Variants in ACOXL observed in about 807,000 individuals in gnomAD.
The protein encoded by ACOXL is acyl-CoA oxidase like, also known as acyl-coenzyme A oxidase-like protein.
ACOXL carries 70 observed loss-of-function variants against 71.9 expected under a neutral mutation model. That is an observed-to-expected ratio of 0.97 (90% confidence interval 0.80 to 1.19). The LOEUF (loss-of-function observed/expected upper bound fraction) is 1.19, where lower values mean the gene tolerates loss of function less well. ACOXL is among the 50% of genes most tolerant of loss of function. The probability of loss-of-function intolerance (pLI) is 0.00; values close to 1 mark genes in which losing one functional copy is unlikely to be tolerated. For synonymous variants in ACOXL, 253 were observed against 281.6 expected, an observed-to-expected ratio of 0.90 and a Z score of 1.02; for missense variants, 703 against 736.3, an observed-to-expected ratio of 0.95 and a Z score of 0.52.
chr2:111,011,649 A>G (rs11685628), intron 14 of ACOXL, among the ~76,000 whole-genome samples: 136,450 of 151,972 alleles, frequency 0.9, 61,515 homozygotes, highest in African/African-American at 0.97. Flanking sequence ...TTGGGAGGCT[A>G]AGGTGGGCAG....
intron 9 of ACOXL, among the ~76,000 whole-genome samples, chr2:110,808,738 A>T (rs979992055): frequency 5.3e-5 from 8 of 152,178 alleles, no homozygotes; most frequent in Non-Finnish European, 1.0e-4. Context: ...TTCTTCAGAA[A>T]GGCCTCAGCC....
chr2:110,769,955 C>T (rs770947314), intron 2 of ACOXL, among the ~76,000 whole-genome samples: 8 of 151,758 alleles, frequency 5.3e-5, no homozygotes, highest in Non-Finnish European at 1.0e-4. Context: ...GTGGGAGGAT[C>T]GTTTGAGGCT....
At chr2:111,025,641 T>G (rs1377995645) in intron 14 of ACOXL, among the ~76,000 whole-genome samples, 4 of 152,234 alleles carry the variant, frequency 2.6e-5, no homozygotes, top group Admixed American at 1.3e-4. Flanking sequence ...TCTGTCCATC[T>G]GTTAAACTGG....
intron 3 of ACOXL, among the ~76,000 whole-genome samples, chr2:110,785,569 C>G (rs1186950710): frequency 6.6e-6 from 1 of 152,076 alleles, no homozygotes; most frequent in Non-Finnish European, 1.5e-5. Flanking sequence ...TTCTCCATCT[C>G]TATAGTTTTG....
At chr2:110,975,285 A>C (rs902304903) in intron 12 of ACOXL, among the ~76,000 whole-genome samples, 2 of 152,206 alleles carry the variant, frequency 1.3e-5, no homozygotes, top group African/African-American at 4.8e-5. Flanking sequence ...TTTCAAACAA[A>C]TTTCAAGACA....
At chr2:110,833,053 A>G (rs1573741340) in intron 9 of ACOXL, among the ~76,000 whole-genome samples, 1 of 152,250 alleles carries the variant, frequency 6.6e-6, no homozygotes, top group South Asian at 2.1e-4. Flanking sequence ...TAACTGAGCA[A>G]TTGTACTCCT....
At chr2:110,821,951 ATGTGAGTGTGTG>A (rs1190784692) in intron 9 of ACOXL, among the ~76,000 whole-genome samples, 1 of 151,396 alleles carries the variant, frequency 6.6e-6, no homozygotes, top group South Asian at 2.1e-4. Flanking sequence ...GTGTGTGTGC[ATGTGAGTGTGTG>A]TGTGAGTGTG....
intron 11 of ACOXL, among the ~76,000 whole-genome samples, chr2:110,924,451 GC>G (rs1363263653): frequency 6.6e-6 from 1 of 152,168 alleles, no homozygotes; most frequent in Non-Finnish European, 1.5e-5. Context: ...CCTTGCTGCT[GC>G]CCTATCAACT....
intron 12 of ACOXL, among the ~76,000 whole-genome samples, chr2:110,946,696 C>T (rs937147292): frequency 6.6e-6 from 1 of 152,206 alleles, no homozygotes; most frequent in Non-Finnish European, 1.5e-5. Context: ...GGTAAGTCCT[C>T]ACTTCCCAAG....
chr2:111,105,947 T>G (rs1458280389), intron 17 of ACOXL, among the ~76,000 whole-genome samples: 2 of 152,208 alleles, frequency 1.3e-5, no homozygotes, highest in Non-Finnish European at 2.9e-5. Context: ...CTTTTAAGAT[T>G]AAAAACTATT....
In ACOXL at chr2:110,742,019, T is replaced by A. The variant is rs1573287772; in HGVS notation, c.-23+9245T>A. ...CCTGTCAGACTCTGTGCCCCCTGAC[T>A]GTGTTAAAATAGGGAGACATTTAGC... On this transcript the variant is annotated intron_variant, in intron 1 of 17. Coordinates refer to ENST00000439055, the MANE Select transcript of ACOXL (RefSeq NM_001142807.4). Among the ~76,000 whole-genome samples the A allele has an allele frequency of 2.6e-5, 4 of 152,346 alleles. No homozygotes were observed. The East Asian group carries it at 7.7e-4, about 29-fold the overall frequency.
chr2:110,768,541 T>G, intron 2 of ACOXL, 77 bp downstream of exon 2: 1 of 1,258,112 alleles, frequency 7.9e-7, no homozygotes, highest in Non-Finnish European at 1.1e-6. Context: ...AGAGAGAGTT[T>G]TTTTCTCTCC....
intron 13 of ACOXL, among the ~76,000 whole-genome samples, chr2:110,995,218 G>T (rs1042612814): frequency 6.6e-6 from 1 of 151,692 alleles, no homozygotes; most frequent in Non-Finnish European, 1.5e-5. Flanking sequence ...GTATAATGGG[G>T]GCCAGGCACA....
intron 10 of ACOXL, among the ~76,000 whole-genome samples, chr2:110,847,262 G>T (rs563169882): frequency 2.0e-5 from 3 of 152,278 alleles, no homozygotes; most frequent in East Asian, 1.9e-4. Context: ...GCAGAGTGAA[G>T]AAGGCTGCTC....
At chr2:111,012,690 G>A (rs1419847429) in intron 14 of ACOXL, among the ~76,000 whole-genome samples, 2 of 152,034 alleles carry the variant, frequency 1.3e-5, no homozygotes, top group East Asian at 1.9e-4. Context: ...AGAAACACAG[G>A]TCTAAATAAC....
At chr2:110,885,546 G>T (rs557761439) in intron 10 of ACOXL, among the ~76,000 whole-genome samples, 1 of 152,108 alleles carries the variant, frequency 6.6e-6, no homozygotes, top group African/African-American at 2.4e-5. Context: ...AAGACTGGAG[G>T]TATAAAGTAT....
intron 12 of ACOXL, among the ~76,000 whole-genome samples, chr2:110,982,232 T>C (rs1463908538): frequency 6.6e-6 from 1 of 152,014 alleles, no homozygotes; most frequent in Non-Finnish European, 1.5e-5. Flanking sequence ...CTCAGCTCAC[T>C]GCAACCTCCA....
chr2:110,755,030 G>T (rs567916080), intron 1 of ACOXL, among the ~76,000 whole-genome samples: 15 of 152,226 alleles, frequency 9.9e-5, no homozygotes, highest in South Asian at 4.2e-4. Context: ...TTCCTAGAGA[G>T]ATCTCTCTCT....
At chr2:110,810,036 C>A (rs1412152774) in intron 9 of ACOXL, among the ~76,000 whole-genome samples, 1 of 152,186 alleles carries the variant, frequency 6.6e-6, no homozygotes, top group Non-Finnish European at 1.5e-5. Flanking sequence ...CTCAGCCTGT[C>A]TGGTTCAGCT....
Sources: allele counts gnomAD v4.1 joint callset (sites outside exome capture counted in the v4.1 genomes callset), GRCh38; gene constraint gnomAD v4.1.1; transcripts MANE v1.5; gene names NCBI Gene and HGNC (gene_info 2026-07-23, HGNC 2026-07-21).